The following DDX60L variants were observed in gnomAD, a reference collection of about 807,000 sequenced individuals.
DDX60L encodes probable ATP-dependent RNA helicase DDX60-like.
Under a neutral mutation model 211.6 loss-of-function variants are expected in DDX60L, and 191 were observed. The observed-to-expected ratio is 0.90, with a 90% CI of 0.80 to 1.02. DDX60L has a LOEUF of 1.02. Ranked by LOEUF, DDX60L falls within the 50% of genes least tolerant of loss-of-function variation. DDX60L has a pLI of 0.00. For synonymous variants in DDX60L, 706 were observed against 694.1 expected (o/e 1.02, Z -0.27); for missense variants, 2,007 against 1,984.1 (o/e 1.01, Z -0.22).
intron 1 of DDX60L, among the ~76,000 whole-genome samples, chr4:168,478,904 T>G (rs1759981302): frequency 6.6e-6 from 1 of 152,208 alleles, no homozygotes; most frequent in Non-Finnish European, 1.5e-5. Flanking sequence ...ATTTTTGTTT[T>G]ATGTCTTTCT....
At chr4:168,425,620 G>T (rs944122185) in intron 14 of DDX60L, among the ~76,000 whole-genome samples, 1 of 152,106 alleles carries the variant, frequency 6.6e-6, no homozygotes, top group African/African-American at 2.4e-5. Context: ...AAATTAGCCA[G>T]GCATGGTGGC....
chr4:168,410,527 TTA>T (rs1401547068), intron 22 of DDX60L, among the ~76,000 whole-genome samples: 2 of 152,162 alleles, frequency 1.3e-5, no homozygotes, highest in South Asian at 2.1e-4. Flanking sequence ...AGGATCAGAA[TTA>T]TGTTTTAGGA....
intron 29 of DDX60L, among the ~76,000 whole-genome samples, chr4:168,385,986 G>A (rs1463132009): frequency 1.3e-5 from 2 of 152,024 alleles, no homozygotes; most frequent in Non-Finnish European, 2.9e-5. Context: ...GGGATAGAGG[G>A]AGGGAGGGAG....
chr4:168,389,262 T>C (rs1324429432), intron 29 of DDX60L, among the ~76,000 whole-genome samples: 2 of 152,160 alleles, frequency 1.3e-5, no homozygotes, highest in African/African-American at 4.8e-5. Flanking sequence ...TGTATTTGAC[T>C]CATAATAAAT....
chr4:168,471,898 A>T lies in DDX60L; in HGVS notation c.113T>A (p.Phe38Tyr), dbSNP rs771569029. The change falls in exon 4 of 38, where the codon TTT becomes TAT. Residue 38 changes from phenylalanine to tyrosine, a missense_variant. By Grantham distance (22) the Phe-to-Tyr change is conservative (BLOSUM62 3). Coordinates refer to ENST00000682922, the MANE Select transcript of DDX60L (RefSeq NM_001012967.3). ...CAAGGAATCTCCATCAATCACAAAA[A>T]AATTAGATTCCACAAAATCATTTAA... ...SILNDFVESN[F>Y]FVIDGDSLLV... 6.2e-7 allele frequency: 1 copy of T among 1,609,594 alleles called. No individual in the cohort carries two copies. Among genetic ancestry groups the T allele is most frequent in the African/African-American group, 1.3e-5 (1 of 74,554 alleles).
At chr4:168,407,947 A>G (rs762441459) in intron 22 of DDX60L, among the ~76,000 whole-genome samples, 3 of 152,242 alleles carry the variant, frequency 2.0e-5, no homozygotes, top group Non-Finnish European at 2.9e-5. Flanking sequence ...TGCAACATAA[A>G]GAATCATCAT....
At chr4:168,397,966 C>A (rs1746115667) in intron 26 of DDX60L, among the ~76,000 whole-genome samples, 1 of 152,134 alleles carries the variant, frequency 6.6e-6, no homozygotes, top group African/African-American at 2.4e-5. Flanking sequence ...GAGCCCCGCC[C>A]TTATGGGAAT....
chr4:168,393,993 G>A (rs916832171), intron 28 of DDX60L, among the ~76,000 whole-genome samples: 2 of 152,204 alleles, frequency 1.3e-5, no homozygotes, highest in Non-Finnish European at 1.5e-5. Flanking sequence ...AGGAGTTCGA[G>A]AACAGGCTGG....
At chr4:168,401,026 AT>A (rs1746705456) in intron 25 of DDX60L, 48 bp from the exon 26 acceptor site, 3 of 1,554,348 alleles carry the variant, frequency 1.9e-6, no homozygotes, top group Non-Finnish European at 2.6e-6. Context: ...GTTTCTATCC[AT>A]ATTGTAAACC....
At chr4:168,367,293 G>T (rs775256296) in intron 36 of DDX60L, among the ~76,000 whole-genome samples, 1 of 152,132 alleles carries the variant, frequency 6.6e-6, no homozygotes, top group Non-Finnish European at 1.5e-5. Context: ...TTATGAGGGC[G>T]GGTCTTTTCT....
intron 10 of DDX60L, among the ~76,000 whole-genome samples, chr4:168,439,663 T>A (rs1753548809): frequency 6.6e-6 from 1 of 152,038 alleles, no homozygotes; most frequent in Admixed American, 6.6e-5. Context: ...AACAAGCCAA[T>A]TATAAAATTT....
chr4:168,418,963 T>C (rs2149858759), intron 19 of DDX60L, among the ~76,000 whole-genome samples: 1 of 152,354 alleles, frequency 6.6e-6, no homozygotes, highest in East Asian at 1.9e-4. Context: ...CCAAGGTCAC[T>C]GTTCTTCTCA....
At chr4:168,390,675 T>C (rs2149719224) in intron 29 of DDX60L, 2 of 405,052 alleles carry the variant, frequency 4.9e-6, no homozygotes, top group East Asian at 3.9e-5. Context: ...GGAGGTGATT[T>C]TTCTTCCCTT....
intron 25 of DDX60L, among the ~76,000 whole-genome samples, chr4:168,403,330 A>G (rs1307623680): frequency 1.3e-5 from 2 of 152,230 alleles, no homozygotes; most frequent in African/African-American, 4.8e-5. Context: ...TTGTCTTTGT[A>G]AACAACTTCA....
rs1419634145 is a variant in DDX60L at position 168,448,927 on chromosome 4, A to C, written c.997-148T>G. ...TCACAAATATTACAGATGGTGATCTATAAGTCCCCAAACTAATGCTTTCAT... is the reference window on the plus strand; with the variant it reads ...TCACAAATATTACAGATGGTGATCTCTAAGTCCCCAAACTAATGCTTTCAT... On this transcript the variant is annotated intron_variant, in intron 8 of 37. Transcript: ENST00000682922. The C allele has an allele frequency of 9.9e-6, 7 of 705,254 alleles. No individual in the cohort carries two copies. In the East Asian group the frequency reaches 1.4e-4, roughly 14 times the overall value. 43.7% of individuals were successfully genotyped at this position (705,254 alleles called of 1,614,324 possible).
intron 14 of DDX60L, among the ~76,000 whole-genome samples, chr4:168,424,936 G>A (rs1401170057): frequency 6.6e-6 from 1 of 152,152 alleles, no homozygotes; most frequent in Non-Finnish European, 1.5e-5. Context: ...CTGGGATGAA[G>A]CCTCCTTCCA....
At chr4:168,405,121 AC>A (rs1747515220) in intron 24 of DDX60L, among the ~76,000 whole-genome samples, 1 of 151,374 alleles carries the variant, frequency 6.6e-6, no homozygotes, top group South Asian at 2.1e-4. Flanking sequence ...TGATTCTTCC[AC>A]TTCAATCTCC....
At chr4:168,411,444 A>G (rs1451693183) in intron 22 of DDX60L, among the ~76,000 whole-genome samples, 1 of 152,160 alleles carries the variant, frequency 6.6e-6, no homozygotes, top group Non-Finnish European at 1.5e-5. Context: ...GGGACTTTGC[A>G]TTAGAATTCA....
At chr4:168,376,723 C>T (rs1376228019) in intron 33 of DDX60L, among the ~76,000 whole-genome samples, 2 of 152,332 alleles carry the variant, frequency 1.3e-5, no homozygotes, top group South Asian at 4.1e-4. Flanking sequence ...TAGGGCAGCA[C>T]GTGCTGCTTA....
Sources: allele counts gnomAD v4.1 joint callset (sites outside exome capture counted in the v4.1 genomes callset), GRCh38; gene constraint gnomAD v4.1.1; transcripts MANE v1.5; gene names NCBI Gene and HGNC (gene_info 2026-07-23, HGNC 2026-07-21).